DLC1: variants seen among roughly 807,000 people sequenced by gnomAD.
DLC1 encodes rho GTPase-activating protein 7.
A neutral mutation model predicts 140.3 loss-of-function variants in DLC1; 54 were observed. The observed-to-expected ratio is 0.38, with a 90% CI of 0.31 to 0.48. DLC1 has a LOEUF of 0.48. Among genes scored for constraint, DLC1 ranks in the 20% least tolerant of loss-of-function variants. DLC1 has a pLI of 0.96. For synonymous variants in DLC1, 986 were observed against 728.1 expected (o/e 1.35, Z -5.70); for missense variants, 2,536 against 1,907.0 (o/e 1.33, Z -6.14).
At chr8:13,413,914 T>C (rs1837926663) in intron 2 of DLC1, among the ~76,000 whole-genome samples, 1 of 152,102 alleles carries the variant, frequency 6.6e-6, no homozygotes, top group Non-Finnish European at 1.5e-5. Context: ...CATTCATCCT[T>C]GGGAGCTGAA....
chr8:13,387,513 C>G (rs1309332617), intron 4 of DLC1, among the ~76,000 whole-genome samples: 9 of 151,680 alleles, frequency 5.9e-5, no homozygotes, highest in African/African-American at 1.9e-4. Flanking sequence ...GTTTCATTAC[C>G]TCTCACTAAT....
At chr8:13,178,100 A>G (rs1444460227) in intron 5 of DLC1, among the ~76,000 whole-genome samples, 2 of 152,192 alleles carry the variant, frequency 1.3e-5, no homozygotes, top group African/African-American at 2.4e-5. Context: ...ATAGGGAAAA[A>G]CAACCTCACA....
chr8:13,196,368 C>G lies in DLC1; in HGVS notation c.1349-80711G>C, dbSNP rs529480250. On this transcript the variant is annotated intron_variant, in intron 5 of 17. Coordinates refer to ENST00000276297, the MANE Select transcript of DLC1 (RefSeq NM_182643.3). Reference sequence around the variant, plus strand: ...CTATTCAAAGGGATTGCACATTCCTCTCAAACAAAACAAGAAGACACTTTA... The same window carrying G: ...CTATTCAAAGGGATTGCACATTCCTGTCAAACAAAACAAGAAGACACTTTA... 1.6e-4 allele frequency among the ~76,000 whole-genome samples: 24 copies of G among 152,308 alleles called. 1 individual carries two copies. The highest frequency in any genetic ancestry group is 6.2e-4 in the South Asian group (3 of 4,826).
intron 5 of DLC1, among the ~76,000 whole-genome samples, chr8:13,141,578 G>A (rs1822997030): frequency 6.6e-6 from 1 of 152,118 alleles, no homozygotes; most frequent in Non-Finnish European, 1.5e-5. Context: ...TCTTTCTGGT[G>A]GATTGGTCCT....
At chr8:13,293,084 G>T (rs1332925198) in intron 5 of DLC1, among the ~76,000 whole-genome samples, 2 of 152,124 alleles carry the variant, frequency 1.3e-5, no homozygotes, top group African/African-American at 4.8e-5. Flanking sequence ...TTAAAAATTA[G>T]TTGGTCATGG....
intron 5 of DLC1, among the ~76,000 whole-genome samples, chr8:13,215,836 C>T (rs966788107): frequency 4.6e-5 from 7 of 152,132 alleles, no homozygotes; most frequent in South Asian, 2.1e-4. Context: ...AGGACTAGTG[C>T]GCAAGCCCGT....
At chr8:13,539,892 T>C (rs796169233) in intron 1 of DLC1, among the ~76,000 whole-genome samples, 5 of 148,968 alleles carry the variant, frequency 3.4e-5, no homozygotes, top group African/African-American at 1.2e-4. Context: ...GATTCAATTA[T>C]TTTACTTTTC....
At chr8:13,346,212 G>T (rs1005319184) in intron 4 of DLC1, among the ~76,000 whole-genome samples, 10 of 152,158 alleles carry the variant, frequency 6.6e-5, no homozygotes, top group Admixed American at 3.3e-4. Context: ...TCTACAACTT[G>T]GTTAAAGTTT....
At chr8:13,586,591 AC>A (rs1805323992) in intron 1 of DLC1, among the ~76,000 whole-genome samples, 1 of 46,870 alleles carries the variant, frequency 2.1e-5, no homozygotes, top group East Asian at 1.9e-3. Context: ...ATGCACATGC[AC>A]ACACACACAC....
chr8:13,502,768 C>A (rs932729108), intron 1 of DLC1, among the ~76,000 whole-genome samples: 1 of 152,104 alleles, frequency 6.6e-6, no homozygotes, highest in Non-Finnish European at 1.5e-5. Context: ...TATTACATTT[C>A]TTTTGTAATC....
At chr8:13,213,956 G>A (rs891697903) in intron 5 of DLC1, among the ~76,000 whole-genome samples, 2 of 151,982 alleles carry the variant, frequency 1.3e-5, no homozygotes, top group Admixed American at 1.3e-4. Flanking sequence ...GCTAATTTTT[G>A]TATGTTTAGT....
rs527456789 is a variant in DLC1 at position 13,545,243 on chromosome 8, G to A, written c.-125-45047C>T. ...AAACATGGATATCCTGCTCAAATTA[G>A]AGCATAATATTTTATGGAAAGGTAA... On this transcript the variant is annotated intron_variant, in intron 1 of 1. Coordinates refer to the DLC1 transcript ENST00000631382. 8.4e-4 allele frequency among the ~76,000 whole-genome samples: 128 copies of A among 151,480 alleles called. 1 individual carries two copies. Among genetic ancestry groups the A allele is most frequent in the African/African-American group, 2.9e-3 (122 of 41,362 alleles).
chr8:13,201,881 A>T (rs2117070097), intron 5 of DLC1, among the ~76,000 whole-genome samples: 1 of 142,372 alleles, frequency 7.0e-6, no homozygotes, highest in East Asian at 2.1e-4. Flanking sequence ...TGTCATACAG[A>T]TTATTTTCTC....
chr8:13,108,968 T>A (rs1436925076), intron 7 of DLC1, among the ~76,000 whole-genome samples: 1 of 152,184 alleles, frequency 6.6e-6, no homozygotes, highest in Non-Finnish European at 1.5e-5. Flanking sequence ...AGAAAATGGG[T>A]ACACACCCTG....
intron 4 of DLC1, among the ~76,000 whole-genome samples, chr8:13,322,002 C>A (rs1467451888): frequency 6.6e-6 from 1 of 151,836 alleles, no homozygotes; most frequent in African/African-American, 2.4e-5. Context: ...TTTGGAGAAC[C>A]CTAAATAATA....
intron 4 of DLC1, among the ~76,000 whole-genome samples, chr8:13,330,402 C>G (rs919637975): frequency 3.3e-5 from 5 of 152,200 alleles, no homozygotes; most frequent in African/African-American, 1.2e-4. Flanking sequence ...CAATGGAATC[C>G]TCATGAACTT....
At chr8:13,412,931 C>CAAAAA (rs771025112) in intron 2 of DLC1, among the ~76,000 whole-genome samples, 1 of 93,972 alleles carries the variant, frequency 1.1e-5, no homozygotes, top group South Asian at 3.8e-4. Context: ...GACTCCATCT[C>CAAAAA]AAAAAAAAAA....
At chr8:13,481,446 AAAAC>A (rs753364501) in intron 2 of DLC1, among the ~76,000 whole-genome samples, 14 of 152,328 alleles carry the variant, frequency 9.2e-5, no homozygotes, top group Middle Eastern at 3.4e-3. Flanking sequence ...ATAAATAAAT[AAAAC>A]AAACAAACAG....
At chr8:13,360,406 A>C (rs1413331667) in intron 4 of DLC1, among the ~76,000 whole-genome samples, 1 of 152,204 alleles carries the variant, frequency 6.6e-6, no homozygotes, top group Non-Finnish European at 1.5e-5. Flanking sequence ...CGAGATTATC[A>C]CTGTAGCCAG....
Sources: allele counts gnomAD v4.1 joint callset (sites outside exome capture counted in the v4.1 genomes callset), GRCh38; gene constraint gnomAD v4.1.1; transcripts MANE v1.5; gene names NCBI Gene and HGNC (gene_info 2026-07-23, HGNC 2026-07-21).